FAM217A: variants seen among roughly 807,000 people sequenced by gnomAD.
FAM217A encodes family with sequence similarity 217 member A.
Under a neutral mutation model 18.5 loss-of-function variants are expected in FAM217A, and 13 were observed. That is an observed-to-expected ratio of 0.70 (90% CI 0.46 to 1.12). FAM217A has a LOEUF of 1.12. FAM217A is among the 50% of genes most tolerant of loss of function. The pLI is 0.00. For missense variants in FAM217A, 560 were observed against 575.4 expected, an observed-to-expected ratio of 0.97 and a Z score of 0.27; for synonymous variants, 161 against 202.8, an observed-to-expected ratio of 0.79 and a Z score of 1.75.
rs750440150 is a variant in FAM217A at position 4,069,293 on chromosome 6, C to T, written c.930G>A (p.Thr310=). The change falls in exon 7 of 7, where the codon ACG becomes ACA. Residue 310 remains threonine (T), a synonymous_variant. Transcript: ENST00000274673. ...TIQKERPRLQ[T]TFCTPAVTER... ...CAGTAACTGCTGGAGTACAGAAAGT[C>T]GTTTGTAGTCTTGGCCTCTCTTTTT... 5.0e-6 allele frequency: 8 copies of T among 1,613,866 alleles called. No individual in the cohort carries two copies. The Admixed American group carries it at 5.0e-5, about 10-fold the overall frequency.
At chr6:4,073,368 T>C in intron 5 of FAM217A, 26 bp from the exon 6 acceptor site, 2 of 1,593,804 alleles carry the variant, frequency 1.3e-6, no homozygotes, top group Non-Finnish European at 1.7e-6. Context: ...TAATGGGTAA[T>C]AGTTTAGTAG....
chr6:4,068,416 A>G lies in FAM217A; in HGVS notation c.*280T>C. ...ATTATACTGGAAAACAATCACTGAA[A>G]AAAGAGTAGCCTTTTGAATAGAATA... On this transcript the variant is annotated 3_prime_UTR_variant, in exon 7 of 7. Coordinates refer to ENST00000274673, the MANE Select transcript of FAM217A (RefSeq NM_173563.3). 1 of 286,184 alleles carries G rather than the reference A, an allele frequency of 3.5e-6. No homozygotes were observed. 17.7% of individuals were successfully genotyped at this position (286,184 alleles called of 1,614,324 possible).
At chr6:4,084,497 A>G (rs776375188) in intron 2 of FAM217A, 29 of 665,110 alleles carry the variant, frequency 4.4e-5, no homozygotes, top group Non-Finnish European at 7.3e-5. Flanking sequence ...TCAGATGCCT[A>G]TACTCTGTAA....
At position 4,077,430 on chromosome 6, in the gene FAM217A, GC is replaced by G; in HGVS notation, c.-17del. 2.5e-6 allele frequency: 4 copies of G among 1,614,042 alleles called. No individual in the cohort carries two copies. Among genetic ancestry groups the G allele is most frequent in the Non-Finnish European group, 3.4e-6 (4 of 1,179,908 alleles). Reference sequence around the variant, plus strand: ...TTCTCCCCATTTTGTTGTAGCTGTTGCTCTGTTTCCTTAAAATCCTACACAG... The same window carrying G: ...TTCTCCCCATTTTGTTGTAGCTGTTGTCTGTTTCCTTAAAATCCTACACAG... On this transcript the variant is annotated 5_prime_UTR_variant, in exon 2 of 7. Coordinates refer to ENST00000274673, the MANE Select transcript of FAM217A (RefSeq NM_173563.3).
chr6:4,068,826 A>C lies in FAM217A; in HGVS notation c.1397T>G (p.Phe466Cys), dbSNP rs781167221. Residue 466 changes from phenylalanine to cysteine, a missense_variant, in exon 7 of 7, where the codon TTT becomes TGT. Phe to Cys is a radical substitution (Grantham distance 205, BLOSUM62 -2). Coordinates refer to ENST00000274673, the MANE Select transcript of FAM217A (RefSeq NM_173563.3). ...TCGGTAAAGTTTCTTTTTGGTCCCA[A>C]AGTTTCTCTTCGGTGCCTTAATTTC... is the stretch of plus-strand genomic sequence containing the variant. ...KEEIKAPKRN[F>C]GTKKKLYRQN... is the part of the protein sequence containing the mutation. 7.6e-5 allele frequency: 123 copies of C among 1,614,040 alleles called. No homozygotes were observed. Among genetic ancestry groups the C allele is most frequent in the Non-Finnish European group, 9.9e-5 (117 of 1,180,018 alleles).
Position 4,073,269 on chromosome 6 carries a change from G to T in FAM217A, c.302+6C>A, listed in dbSNP as rs748030127. 3.8e-6 allele frequency: 6 copies of T among 1,591,170 alleles called. No individual in the cohort carries two copies. Among genetic ancestry groups the T allele is most frequent in the African/African-American group, 2.7e-5 (2 of 73,848 alleles). Reference sequence around the variant, plus strand: ...TTAGGGTGTTACAAAATAACTACTCGCTTACCTCTTCTCTATGGTACTTCC... The same window carrying T: ...TTAGGGTGTTACAAAATAACTACTCTCTTACCTCTTCTCTATGGTACTTCC... On this transcript the variant is annotated splice_donor_region_variant and intron_variant, in intron 6 of 6. Coordinates refer to ENST00000274673, the MANE Select transcript of FAM217A (RefSeq NM_173563.3).
At chr6:4,081,338 C>G (rs1352874019), upstream of FAM217A, among the ~76,000 whole-genome samples, 3 of 152,238 alleles carry the variant, frequency 2.0e-5, no homozygotes, top group Admixed American at 2.0e-4. Context: ...GAGTCTTGCT[C>G]TGTCACCCAG....
At position 4,084,597 on chromosome 6, in the gene FAM217A, T is replaced by G. The variant is rs748474068; in HGVS notation, c.232A>C (p.Thr78Pro). 4.3e-6 allele frequency: 3 copies of G among 703,002 alleles called. No individual in the cohort carries two copies. The South Asian group carries it at 4.4e-5, about 10-fold the overall frequency. 43.5% of individuals were successfully genotyped at this position (703,002 alleles called of 1,614,324 possible). A position where few individuals can be genotyped will look rare whatever the true frequency, so the allele number is the denominator to read the frequency against. Residue 78 changes from threonine to proline, a missense_variant, in exon 2 of 9, where the codon ACC becomes CCC. By Grantham distance (38) the Thr-to-Pro change is conservative. Coordinates refer to the FAM217A transcript ENST00000639338. The stretch of plus-strand genomic sequence containing the variant: ...ACTTACTTTCTGGTGCCAGGAAAGG[T>G]GTAACTTGAAGTCCCTTTCTGGTCG...
Position 4,074,628 on chromosome 6 carries a change from G to T in FAM217A, c.94C>A (p.Pro32Thr), listed in dbSNP as rs145915586. ...LSHWNLDSEV[P>T]VSENKNLPAG... ...GGGAGGTTTTTATTTTCAGAAACAGGTACTTCTGAATCCAAATTCCAGTGA... is the reference window on the plus strand; with the variant it reads ...GGGAGGTTTTTATTTTCAGAAACAGTTACTTCTGAATCCAAATTCCAGTGA... Residue 32 changes from proline (P) to threonine (T), a missense_variant, in exon 3 of 7, where the codon CCT becomes ACT. Coordinates refer to ENST00000274673, the MANE Select transcript of FAM217A (RefSeq NM_173563.3). The T allele has an allele frequency of 6.8e-6, 11 of 1,613,312 alleles. No individual in the cohort carries two copies. Among genetic ancestry groups the T allele is most frequent in the Non-Finnish European group, 9.3e-6 (11 of 1,179,462 alleles).
In FAM217A at chr6:4,073,265, A is replaced by G. The variant is rs1163651342; in HGVS notation, c.302+10T>C. The stretch of plus-strand genomic sequence containing the variant: ...TAATTTAGGGTGTTACAAAATAACT[A>G]CTCGCTTACCTCTTCTCTATGGTAC... On this transcript the variant is annotated intron_variant, in intron 6 of 6. Coordinates refer to ENST00000274673, the MANE Select transcript of FAM217A (RefSeq NM_173563.3). 20 of 1,583,302 alleles carry G rather than the reference A, an allele frequency of 1.3e-5. No individual in the cohort carries two copies. Among genetic ancestry groups the G allele is most frequent in the Non-Finnish European group, 1.7e-5 (20 of 1,166,026 alleles).
chr6:4,079,572 T>C, upstream of FAM217A: 1 of 1,283,550 alleles, frequency 7.8e-7, no homozygotes, highest in Non-Finnish European at 1.0e-6. Flanking sequence ...CTCTCCAGGC[T>C]GAGCTCTCCG....
chr6:4,075,534 CTGAG>C (rs761433773), intron 2 of FAM217A, among the ~76,000 whole-genome samples: 6 of 152,102 alleles, frequency 3.9e-5, no homozygotes, highest in Non-Finnish European at 5.9e-5. Context: ...CTAATAACAA[CTGAG>C]TATTTATGTT....
upstream of FAM217A, chr6:4,087,317 A>G (rs925293186): frequency 4.1e-6 from 5 of 1,232,200 alleles, no homozygotes; most frequent in Admixed American, 4.2e-5. Flanking sequence ...GATATTTTCA[A>G]TGGGCTGGTT....
intron 6 of FAM217A, among the ~76,000 whole-genome samples, chr6:4,071,773 T>C (rs1000210612): frequency 6.6e-6 from 1 of 152,216 alleles, no homozygotes; most frequent in Non-Finnish European, 1.5e-5. Flanking sequence ...GATTTCCCCC[T>C]TGAATTTTAA....
chr6:4,081,349 G>A (rs1376525435), upstream of FAM217A, among the ~76,000 whole-genome samples: 1 of 152,002 alleles, frequency 6.6e-6, no homozygotes, highest in Non-Finnish European at 1.5e-5. Context: ...TGTCACCCAG[G>A]CTAGAGTGCA....
intron 6 of FAM217A, 122 bp from the exon 7 acceptor site, chr6:4,070,042 GTATC>G: frequency 1.5e-6 from 1 of 654,314 alleles, no homozygotes; most frequent in Non-Finnish European, 2.4e-6. Context: ...TGGCATATGT[GTATC>G]TAGCTACCTG....
Position 4,078,892 on chromosome 6 carries a change from G to C in FAM217A, c.-75C>G, listed in dbSNP as rs562307567. The stretch of plus-strand genomic sequence containing the variant: ...GTGTCCTCCCCGGCGTGCTCTCCCG[G>C]TGCGCCGCCCCGAGGCCCGAGCGCC... On this transcript the variant is annotated 5_prime_UTR_variant, in exon 1 of 7. Coordinates refer to ENST00000274673, the MANE Select transcript of FAM217A (RefSeq NM_173563.3). 1.2e-5 allele frequency: 7 copies of C among 580,126 alleles called. No individual in the cohort carries two copies. Among genetic ancestry groups the C allele is most frequent in the East Asian group, 6.9e-5 (2 of 29,188 alleles). The allele number at this position is 580,126 out of a possible 1,614,324, so 35.9% of individuals were successfully genotyped here. A position where few individuals can be genotyped will look rare whatever the true frequency, so the allele number is the denominator to read the frequency against.
chr6:4,087,244 A>G (rs895013075), upstream of FAM217A: 1 of 1,122,688 alleles, frequency 8.9e-7, no homozygotes, highest in Non-Finnish European at 1.1e-6. Context: ...TTTTCCCCAG[A>G]AATGGTCCAT....
upstream of FAM217A, among the ~76,000 whole-genome samples, chr6:4,082,466 C>G (rs1770366169): frequency 6.6e-6 from 1 of 152,202 alleles, no homozygotes; most frequent in Non-Finnish European, 1.5e-5. Context: ...ATGCAGGTTA[C>G]AGAAATCAGA....
Sources: gnomAD v4.1 joint callset for allele counts (sites outside exome capture counted in the v4.1 genomes callset) on GRCh38, gnomAD v4.1.1 for gene constraint, MANE v1.5 for transcripts, NCBI Gene and HGNC (gene_info 2026-07-23, HGNC 2026-07-21) for gene names.